The following LRP1B variants were observed in gnomAD, a reference collection of about 807,000 sequenced individuals.
LRP1B encodes LDL receptor related protein 1B, also known as low-density lipoprotein receptor-related protein 1B.
LRP1B carries 217 observed loss-of-function variants against 556.6 expected under a neutral mutation model. That is an observed-to-expected ratio of 0.39 (90% confidence interval 0.35 to 0.44). The LOEUF (loss-of-function observed/expected upper bound fraction) is 0.44. LRP1B is among the 20% of genes least tolerant of loss of function. The pLI, the probability that LRP1B is intolerant of heterozygous loss-of-function variation, is 1.00. For missense variants in LRP1B, 5,053 were observed against 5,620.8 expected (o/e 0.90, Z 3.23); for synonymous variants, 2,047 against 1,865.8 (o/e 1.10, Z -2.50).
chr2:141,915,379 T>TCATACAAAAATTCAC (rs1428288668), intron 1 of LRP1B, among the ~76,000 whole-genome samples: 1 of 151,956 alleles, frequency 6.6e-6, no homozygotes, highest in African/African-American at 2.4e-5. Context: ...TACAAATGTG[T>TCATACAAAAATTCAC]CATACAAAAA....
At chr2:140,235,438 A>G (rs1446880794) in intron 89 of LRP1B, among the ~76,000 whole-genome samples, 1 of 151,180 alleles carries the variant, frequency 6.6e-6, no homozygotes, top group South Asian at 2.1e-4. Context: ...AATGCTCTAT[A>G]AAATTCATAT....
chr2:140,906,902 TG>T (rs1372571608), intron 22 of LRP1B, among the ~76,000 whole-genome samples: 2 of 151,834 alleles, frequency 1.3e-5, no homozygotes, highest in African/African-American at 4.8e-5. Flanking sequence ...GAATGAAGAC[TG>T]TTGCATTCAC....
At chr2:141,157,919 C>T (rs532586682) in intron 7 of LRP1B, among the ~76,000 whole-genome samples, 2 of 152,180 alleles carry the variant, frequency 1.3e-5, no homozygotes, top group East Asian at 3.9e-4. Flanking sequence ...TTGAAGTCTG[C>T]ACAAAAAATG....
chr2:140,618,007 T>G (rs1683317732), intron 41 of LRP1B, among the ~76,000 whole-genome samples: 1 of 152,038 alleles, frequency 6.6e-6, no homozygotes. Context: ...AAAGAAACAT[T>G]TCTTGTTTAT....
intron 6 of LRP1B, among the ~76,000 whole-genome samples, chr2:141,194,458 C>T (rs1465956389): frequency 1.3e-5 from 2 of 152,070 alleles, no homozygotes; most frequent in African/African-American, 4.8e-5. Flanking sequence ...AAGGCAGCCT[C>T]AACTTCAGCA....
chr2:141,167,007 A>C (rs1163076651), intron 7 of LRP1B, among the ~76,000 whole-genome samples: 1 of 151,930 alleles, frequency 6.6e-6, no homozygotes, highest in African/African-American at 2.4e-5. Flanking sequence ...GTAGGTACAC[A>C]CTGAAATCTA....
intron 3 of LRP1B, among the ~76,000 whole-genome samples, chr2:141,409,482 T>C (rs1001230910): frequency 6.6e-6 from 1 of 152,088 alleles, no homozygotes; most frequent in Non-Finnish European, 1.5e-5. Context: ...TCAATACGAA[T>C]CAGTTCCCTT....
At chr2:141,393,090 G>A (rs1690114051) in intron 3 of LRP1B, among the ~76,000 whole-genome samples, 2 of 152,082 alleles carry the variant, frequency 1.3e-5, no homozygotes, top group African/African-American at 4.8e-5. Flanking sequence ...CATATTGGAT[G>A]GCCAAACACT....
At chr2:141,786,889 T>C (rs1270625797) in intron 2 of LRP1B, among the ~76,000 whole-genome samples, 1 of 152,034 alleles carries the variant, frequency 6.6e-6, no homozygotes, top group Non-Finnish European at 1.5e-5. Flanking sequence ...GCTGCATACA[T>C]TGAGATGACT....
chr2:141,923,477 T>TA (rs1388179773), intron 1 of LRP1B, among the ~76,000 whole-genome samples: 10 of 124,804 alleles, frequency 8.0e-5, no homozygotes, highest in Non-Finnish European at 1.4e-4. Context: ...TGTGTGTGTG[T>TA]GTGTGTGTGT....
intron 81 of LRP1B, 81 bp downstream of exon 81, chr2:140,323,812 G>GA: frequency 1.4e-6 from 1 of 702,282 alleles, no homozygotes; most frequent in East Asian, 2.9e-5. Flanking sequence ...ACATAGTTAA[G>GA]ATATTTAAAA....
intron 3 of LRP1B, among the ~76,000 whole-genome samples, chr2:141,307,544 G>GT (rs1239659300): frequency 4.6e-5 from 7 of 152,020 alleles, no homozygotes; most frequent in African/African-American, 9.7e-5. Context: ...GTTGAGTCAT[G>GT]TTTTTTTATT....
chr2:140,361,572 C>T (rs1682518953), intron 72 of LRP1B, among the ~76,000 whole-genome samples: 1 of 150,634 alleles, frequency 6.6e-6, no homozygotes, highest in South Asian at 2.1e-4. Context: ...CTGCAGAAAC[C>T]ATCACATCTT....
chr2:141,610,914 T>C (rs942780611), intron 2 of LRP1B, among the ~76,000 whole-genome samples: 6 of 152,306 alleles, frequency 3.9e-5, no homozygotes, highest in Middle Eastern at 6.8e-3. Context: ...TGGATTGAAT[T>C]TGATTGGAGG....
chr2:140,244,673 G>T (rs768234545), intron 87 of LRP1B, among the ~76,000 whole-genome samples: 13 of 151,190 alleles, frequency 8.6e-5, no homozygotes, highest in Non-Finnish European at 1.6e-4. Flanking sequence ...TCAAAAGCCG[G>T]TGAACATCAC....
rs773061835 is a variant in LRP1B, at chr2:140,915,377, G to A, written c.3320-7300C>T. On this transcript the variant is annotated intron_variant, in intron 21 of 90. Coordinates refer to ENST00000389484, the MANE Select transcript of LRP1B (RefSeq NM_018557.3). Reference sequence around the variant, plus strand: ...AATATCTAAAGAAGGGTTTGGGGGCGCTGGCTCACACCTCTAATCCCAGCA... The same window carrying A: ...AATATCTAAAGAAGGGTTTGGGGGCACTGGCTCACACCTCTAATCCCAGCA... 3.9e-5 allele frequency among the ~76,000 whole-genome samples: 6 copies of A among 152,082 alleles called. 1 individual carries two copies. The highest frequency in any genetic ancestry group is 3.9e-4 in the East Asian group (2 of 5,152).
chr2:140,973,416 A>C (rs1696496499), intron 18 of LRP1B, among the ~76,000 whole-genome samples: 1 of 152,120 alleles, frequency 6.6e-6, no homozygotes, highest in African/African-American at 2.4e-5. Context: ...TAAGAATTGT[A>C]GGAGGATGGG....
chr2:141,390,948 A>T (rs1690028149), intron 3 of LRP1B, among the ~76,000 whole-genome samples: 1 of 152,298 alleles, frequency 6.6e-6, no homozygotes, highest in South Asian at 2.1e-4. Context: ...ATGACATCAC[A>T]TCTGAGCAGA....
intron 63 of LRP1B, among the ~76,000 whole-genome samples, chr2:140,446,777 T>G (rs961399948): frequency 6.6e-6 from 1 of 151,914 alleles, no homozygotes; most frequent in Non-Finnish European, 1.5e-5. Context: ...TAAAAACTGT[T>G]TGGATATGAC....
Sources: allele counts gnomAD v4.1 joint callset (sites outside exome capture counted in the v4.1 genomes callset), GRCh38; gene constraint gnomAD v4.1.1; transcripts MANE v1.5; gene names NCBI Gene and HGNC (gene_info 2026-07-23, HGNC 2026-07-21).